Variants in UTRN observed in about 807,000 individuals in gnomAD.
UTRN encodes utrophin.
In UTRN, 283 loss-of-function variants were observed where a neutral mutation model predicts 463.9. That is an observed-to-expected ratio of 0.61 (90% CI 0.55 to 0.67). The LOEUF (loss-of-function observed/expected upper bound fraction) is 0.67, where lower values mean the gene tolerates loss of function less well. Among genes scored for constraint, UTRN ranks in the 30% least tolerant of loss-of-function variants. The probability of loss-of-function intolerance (pLI) is 0.00; values close to 1 mark genes in which losing one functional copy is unlikely to be tolerated. For missense variants in UTRN, 3,922 were observed against 4,084.3 expected, an observed-to-expected ratio of 0.96 and a Z score of 1.08; for synonymous variants, 1,442 against 1,431.5, an observed-to-expected ratio of 1.01 and a Z score of -0.17.
intron 2 of UTRN, among the ~76,000 whole-genome samples, chr6:144,322,800 A>G (rs1269258382): frequency 1.3e-5 from 2 of 152,032 alleles, no homozygotes; most frequent in Non-Finnish European, 2.9e-5. Context: ...AAAATTAGCC[A>G]GGCGTGGTGG....
chr6:144,494,128 T>C (rs745751021), intron 33 of UTRN, among the ~76,000 whole-genome samples: 5 of 152,332 alleles, frequency 3.3e-5, no homozygotes, highest in Non-Finnish European at 7.4e-5. Context: ...ACTTAGTGTG[T>C]CTGGAATTGG....
chr6:144,550,060 C>CT (rs1175904514), intron 47 of UTRN, among the ~76,000 whole-genome samples: 1 of 152,138 alleles, frequency 6.6e-6, no homozygotes, highest in African/African-American at 2.4e-5. Context: ...TCTGAAATGA[C>CT]TAAGATGATG....
At chr6:144,577,383 G>A (rs933483378) in intron 51 of UTRN, 95 bp downstream of exon 51, 2 of 1,275,328 alleles carry the variant, frequency 1.6e-6, no homozygotes, top group African/African-American at 2.9e-5. Flanking sequence ...AGGTGAAGTT[G>A]TCACTTTATT....
chr6:144,355,020 G>C (rs1242640702), intron 2 of UTRN, among the ~76,000 whole-genome samples: 1 of 151,994 alleles, frequency 6.6e-6, no homozygotes, highest in Non-Finnish European at 1.5e-5. Flanking sequence ...CCTAGCTCCT[G>C]GCACGTTTTT....
chr6:144,837,916 G>A (rs1009885946), intron 71 of UTRN, among the ~76,000 whole-genome samples: 19 of 152,208 alleles, frequency 1.2e-4, no homozygotes, highest in South Asian at 2.1e-4. Context: ...GACCCAAGAC[G>A]TGGGTTTCTT....
intron 2 of UTRN, among the ~76,000 whole-genome samples, chr6:144,310,748 A>G (rs868050692): frequency 9.9e-5 from 15 of 152,256 alleles, no homozygotes; most frequent in Admixed American, 2.6e-4. Flanking sequence ...ACTGCACGCC[A>G]GCCTGGATAA....
chr6:144,810,244 G>A (rs906183605), intron 65 of UTRN, among the ~76,000 whole-genome samples: 7 of 152,118 alleles, frequency 4.6e-5, no homozygotes, highest in African/African-American at 7.2e-5. Context: ...ATCTTGCTAC[G>A]TCTGCTGTTT....
rs373076190 is a variant in UTRN at position 144,851,030 on chromosome 6, G to C, written c.*33G>C. 6.2e-7 allele frequency: 1 copy of C among 1,613,424 alleles called. No individual in the cohort carries two copies. Among genetic ancestry groups the C allele is most frequent in the East Asian group, 2.2e-5 (1 of 44,864 alleles). ...ATCCGGCCAACCAATGTTTCCTGAC[G>C]TACAGTGTTGCCCTTTTCAGCAAAT... On this transcript the variant is annotated 3_prime_UTR_variant, in exon 75 of 75. Transcript: ENST00000367545.
At chr6:144,441,540 T>C (rs1787161091) in intron 13 of UTRN, among the ~76,000 whole-genome samples, 1 of 152,228 alleles carries the variant, frequency 6.6e-6, no homozygotes, top group African/African-American at 2.4e-5. Flanking sequence ...AATAGCCCCC[T>C]CCTGGCTGCT....
At position 144,571,174 on chromosome 6, in the gene UTRN, T is replaced by C. The variant is rs577798290; in HGVS notation, c.7290-5925T>C. Among the ~76,000 whole-genome samples the C allele has an allele frequency of 2.6e-5, 4 of 152,304 alleles. 1 individual carries two copies. In the South Asian group the frequency reaches 8.3e-4, roughly 32 times the overall value. On this transcript the variant is annotated intron_variant, in intron 50 of 74. Coordinates refer to ENST00000367545, the MANE Select transcript of UTRN (RefSeq NM_007124.3). Reference sequence around the variant, plus strand: ...CATATGTGCACTCCTTTAATCTTTGTTTTCTAGTGCCTTTTTAGCACAGCC... The same window carrying C: ...CATATGTGCACTCCTTTAATCTTTGCTTTCTAGTGCCTTTTTAGCACAGCC...
intron 23 of UTRN, among the ~76,000 whole-genome samples, chr6:144,464,485 T>C (rs912123791): frequency 2.0e-5 from 3 of 151,982 alleles, no homozygotes; most frequent in African/African-American, 7.3e-5. Flanking sequence ...TTGTGTGGCT[T>C]AGTGTTTTTG....
intron 7 of UTRN, 27 bp downstream of exon 7, chr6:144,426,486 G>A (rs1785303448): frequency 6.3e-7 from 1 of 1,587,760 alleles, no homozygotes; most frequent in South Asian, 1.1e-5. Flanking sequence ...TCTAGAAGTG[G>A]GCTTTACAAA....
chr6:144,444,486 G>A (rs1004838650), intron 14 of UTRN, 104 bp downstream of exon 14: 3 of 659,612 alleles, frequency 4.5e-6, no homozygotes, highest in Admixed American at 3.6e-5. Context: ...TCTTTGAAAG[G>A]AAAATATATA....
At chr6:144,366,018 G>A (rs769504483) in intron 2 of UTRN, among the ~76,000 whole-genome samples, 27 of 151,232 alleles carry the variant, frequency 1.8e-4, no homozygotes, top group Middle Eastern at 6.8e-3. Flanking sequence ...GATTACAGGC[G>A]TGAGCCACCG....
At chr6:144,822,441 A>C (rs928466053) in intron 66 of UTRN, among the ~76,000 whole-genome samples, 39 of 152,154 alleles carry the variant, frequency 2.6e-4, no homozygotes, top group African/African-American at 8.9e-4. Flanking sequence ...AAAAAATTTC[A>C]ACTGTGTGAT....
chr6:144,516,742 G>A, intron 38 of UTRN, 69 bp from the exon 39 acceptor site: 2 of 1,284,170 alleles, frequency 1.6e-6, no homozygotes, highest in Non-Finnish European at 2.0e-6. Context: ...TTCCTCCTTA[G>A]GAGTTGATAG....
At position 144,485,473 on chromosome 6, in the gene UTRN, C is replaced by A; in HGVS notation, c.3776C>A (p.Thr1259Lys). 1 of 1,614,092 alleles carries A rather than the reference C, an allele frequency of 6.2e-7. No homozygotes were observed. The highest frequency in any genetic ancestry group is 8.5e-7 in the Non-Finnish European group (1 of 1,180,012). The change falls in exon 28 of 75, where the codon ACA (threonine) becomes AAA (lysine). Residue 1259 changes from threonine to lysine, a missense_variant. By Grantham distance (78) the Thr-to-Lys change is moderately conservative. This residue lies in a region of UTRN where 2,349 missense variants were observed against 2,303.8 expected (regional missense o/e 1.02). Coordinates refer to ENST00000367545, the MANE Select transcript of UTRN (RefSeq NM_007124.3). ...ACTTTGGAAGAGCGGATGAAGAGCA[C>A]AGAGGTCCTGCCTGAGAAGACGGAT... ...LNTLEERMKS[T>K]EVLPEKTDAV...
At chr6:144,705,035 T>C (rs1487171314) in intron 53 of UTRN, among the ~76,000 whole-genome samples, 1 of 152,180 alleles carries the variant, frequency 6.6e-6, no homozygotes, top group East Asian at 1.9e-4. Flanking sequence ...GCTGTTGCTT[T>C]GTGAGTAAAG....
In UTRN at chr6:144,458,758, A is replaced by G. The variant is rs200886694; in HGVS notation, c.2285-12A>G. 249 of 1,566,780 alleles carry G rather than the reference A, an allele frequency of 1.6e-4. 4 individuals are homozygous for G. The East Asian group carries it at 3.8e-3, about 24-fold the overall frequency. On this transcript the variant is annotated splice_polypyrimidine_tract_variant and intron_variant, in intron 19 of 74. Transcript: ENST00000367545. ...TATATAGACTGTTTGCTTGTTTTTC[A>G]TGTCTGCATAGAAGGCCTTCCTACT... is the stretch of plus-strand genomic sequence containing the variant.
Sources: gnomAD v4.1 joint callset for allele counts (sites outside exome capture counted in the v4.1 genomes callset) on GRCh38, gnomAD v4.1.1 for gene constraint, gnomAD v4.1.1 regional missense constraint, MANE v1.5 for transcripts, NCBI Gene and HGNC (gene_info 2026-07-23, HGNC 2026-07-21) for gene names.